PPOX: variants seen among roughly 807,000 people sequenced by gnomAD.
PPOX encodes protoporphyrinogen oxidase, also known as variegate porphyria.
PPOX carries 23 observed loss-of-function variants against 54.1 expected under a neutral mutation model. The observed-to-expected ratio is 0.43, with a 90% CI of 0.31 to 0.60. The LOEUF (loss-of-function observed/expected upper bound fraction) is 0.60. Ranked by LOEUF, PPOX falls within the 20% of genes least tolerant of loss-of-function variation. PPOX has a pLI of 0.13. For missense variants in PPOX, 512 were observed against 601.1 expected (o/e 0.85, Z 1.55); for synonymous variants, 224 against 236.1 (o/e 0.95, Z 0.47).
At chr1:161,170,319 T>TGGGGGGGGCG in intron 9 of PPOX, 90 bp from the exon 10 acceptor site, 1 of 514,786 alleles carries the variant, frequency 1.9e-6, no homozygotes, top group Non-Finnish European at 3.8e-6. Context: ...AGTGAGACTC[T>TGGGGGGGGCG]GTCCCCCCCA....
chr1:161,170,320 G>GGGGGGGGGGGGCCCCC, intron 9 of PPOX, 89 bp from the exon 10 acceptor site: 1 of 494,792 alleles, frequency 2.0e-6, no homozygotes, highest in Non-Finnish European at 4.0e-6. Flanking sequence ...GTGAGACTCT[G>GGGGGGGGGGGGCCCCC]TCCCCCCCAC....
At chr1:161,176,247 C>G (rs1403758829) in intron 4 of PPOX, 2 of 726,998 alleles carry the variant, frequency 2.8e-6, no homozygotes, top group Non-Finnish European at 4.4e-6. Flanking sequence ...ATGTAACCAC[C>G]AGTAACCCTA....
downstream of PPOX, chr1:161,174,933 C>A: frequency 2.6e-6 from 4 of 1,532,770 alleles, no homozygotes; most frequent in Admixed American, 1.7e-5. Flanking sequence ...AGTGAAGTGG[C>A]ATGTGCTTGA....
chr1:161,171,858 A>C (rs1661557935), downstream of PPOX: 1 of 1,614,188 alleles, frequency 6.2e-7, no homozygotes, highest in Non-Finnish European at 8.5e-7. Flanking sequence ...CAGTAGATAG[A>C]GGCCCAGGCC....
chr1:161,171,895 TCTTGACGGAAGG>T (rs1275202923), downstream of PPOX: 3 of 1,613,984 alleles, frequency 1.9e-6, no homozygotes, highest in African/African-American at 4.0e-5. Flanking sequence ...TTGCAGCATC[TCTTGACGGAAGG>T]CTTGGGAGGA....
downstream of PPOX, chr1:161,171,315 G>A (rs1661358545): frequency 7.2e-7 from 1 of 1,388,482 alleles, no homozygotes; most frequent in African/African-American, 1.4e-5. Context: ...GCAGATGCGA[G>A]ACAAAGTCCT....
chr1:161,168,110 C>A lies in PPOX; in HGVS notation c.454C>A (p.Arg152Ser). The change falls in exon 5 of 13, where the codon CGC becomes AGC. Residue 152 changes from arginine (R) to serine (S), a missense_variant. By Grantham distance (110) the Arg-to-Ser change is moderately radical. Coordinates refer to ENST00000367999, the MANE Select transcript of PPOX (RefSeq NM_001122764.3). ...PDETVHSFAQ[R>S]RLGPEVASLA... ...TGAGACTGTGCACAGTTTTGCCCAG[C>A]GCCGCCTTGGACCTGAGGTGACACT... is the stretch of plus-strand genomic sequence containing the variant. 1 of 1,614,178 alleles carries A rather than the reference C, an allele frequency of 6.2e-7. No individual in the cohort carries two copies. The highest frequency in any genetic ancestry group is 2.2e-5 in the East Asian group (1 of 44,874).
At chr1:161,168,736 C>T (rs1178783673) in intron 6 of PPOX, among the ~76,000 whole-genome samples, 160 bp downstream of exon 6, 5 of 152,148 alleles carry the variant, frequency 3.3e-5, no homozygotes, top group African/African-American at 9.7e-5. Flanking sequence ...CAGATCGGCT[C>T]GCTGCAACCT....
intron 8 of PPOX, 60 bp from the exon 9 acceptor site, chr1:161,169,844 CAA>C: frequency 6.2e-7 from 1 of 1,614,074 alleles, no homozygotes; most frequent in Admixed American, 1.7e-5. Context: ...AGTCTAATCC[CAA>C]AGAGGACTGA....
chr1:161,176,145 G>A (rs750282745), downstream of PPOX: 112 of 1,522,804 alleles, frequency 7.4e-5, no homozygotes, highest in Non-Finnish European at 9.6e-5. Context: ...CAGTAGGTAG[G>A]GTTGAAGGTG....
In PPOX at chr1:161,168,192, A is replaced by C; in HGVS notation, c.471+65A>C. On this transcript the variant is annotated intron_variant, in intron 5 of 12. Transcript: ENST00000367999. ...AACCAGCTGCAGAGCTCCCTGTTCA[A>C]ATCTACCACCTAGGGGCTCTTCTGT... The C allele has an allele frequency of 1.9e-6, 3 of 1,612,162 alleles. 1 individual carries two copies. In the South Asian group the frequency reaches 3.3e-5, roughly 18 times the overall value.
At chr1:161,175,175 C>T (rs141596172), downstream of PPOX, 685 of 1,613,674 alleles carry the variant, frequency 4.2e-4, 1 homozygote, top group Admixed American at 5.3e-4. Context: ...GGATTCCGCT[C>T]CACAATCTCT....
downstream of PPOX, chr1:161,177,076 C>G: frequency 1.3e-6 from 2 of 1,534,062 alleles, no homozygotes; most frequent in Non-Finnish European, 1.7e-6. Context: ...CCTTTCCCCT[C>G]TTCTAGCGGG....
Position 161,171,178 on chromosome 1 carries a change from C to T in PPOX, c.*2C>T. On this transcript the variant is annotated 3_prime_UTR_variant, in exon 13 of 13. Coordinates refer to ENST00000367999, the MANE Select transcript of PPOX (RefSeq NM_001122764.3). ...CTGGGCACAGAACCTAACAGCTGAT[C>T]CCCAACTCTCATTCATGAAAATAAA... The T allele has an allele frequency of 6.2e-7, 1 of 1,613,184 alleles. No individual in the cohort carries two copies. Among genetic ancestry groups the T allele is most frequent in the Non-Finnish European group, 8.5e-7 (1 of 1,180,030 alleles).
chr1:161,166,902 T>G lies in PPOX; in HGVS notation c.55T>G (p.Tyr19Asp). The change falls in exon 2 of 13, where the codon TAC (tyrosine) becomes GAC (aspartate). Residue 19 changes from tyrosine (Y) to aspartate (D), a missense_variant. Transcript: ENST00000367999. ...GGGISGLAASYHLSRAPCPPK... is the reference protein window; with the variant it reads ...GGGISGLAASDHLSRAPCPPK... ...AGGCATCAGCGGCTTGGCCGCCAGTTACCACCTGAGCCGGGCCCCCTGCCC... is the reference window on the plus strand; with the variant it reads ...AGGCATCAGCGGCTTGGCCGCCAGTGACCACCTGAGCCGGGCCCCCTGCCC... The G allele has an allele frequency of 6.2e-7, 1 of 1,613,866 alleles. No individual in the cohort carries two copies. The highest frequency in any genetic ancestry group is 8.5e-7 in the Non-Finnish European group (1 of 1,180,020).
chr1:161,173,312 C>T (rs1481494205), downstream of PPOX, among the ~76,000 whole-genome samples: 2 of 152,170 alleles, frequency 1.3e-5, no homozygotes, highest in East Asian at 3.8e-4. Context: ...CAGCAGAAGG[C>T]AAGACTAAGC....
intron 5 of PPOX, 90 bp from the exon 6 acceptor site, chr1:161,168,342 T>C (rs1659856011): frequency 2.5e-6 from 4 of 1,588,778 alleles, no homozygotes; most frequent in Admixed American, 1.7e-5. Flanking sequence ...CCAAACCCTA[T>C]CCCACCCTCA....
upstream of PPOX, chr1:161,166,118 C>G: frequency 1.0e-6 from 1 of 985,410 alleles, no homozygotes; most frequent in Non-Finnish European, 1.2e-6. Flanking sequence ...TCTATTCTCC[C>G]TACGACCAAA....
intron 2 of PPOX, 33 bp from the exon 3 acceptor site, chr1:161,167,067 C>T: frequency 6.2e-7 from 1 of 1,614,132 alleles, no homozygotes; most frequent in South Asian, 1.1e-5. Flanking sequence ...CGGCTACAGG[C>T]GGTGCTGCAG....
Sources: allele counts gnomAD v4.1 joint callset (sites outside exome capture counted in the v4.1 genomes callset), GRCh38; gene constraint gnomAD v4.1.1; transcripts MANE v1.5; gene names NCBI Gene and HGNC (gene_info 2026-07-23, HGNC 2026-07-21).